The following KCNIP1 variants were observed in gnomAD, a reference collection of about 807,000 sequenced individuals.
The protein encoded by KCNIP1 is potassium voltage-gated channel interacting protein 1.
In KCNIP1, 18 loss-of-function variants were observed where a neutral mutation model predicts 33.0. That is an observed-to-expected ratio of 0.55 (90% confidence interval 0.38 to 0.81). The LOEUF (loss-of-function observed/expected upper bound fraction) is 0.81, where lower values mean the gene tolerates loss of function less well. Among genes scored for constraint, KCNIP1 ranks in the 30% least tolerant of loss-of-function variants. The pLI is 0.00. For missense variants in KCNIP1, 238 were observed against 271.6 expected, an observed-to-expected ratio of 0.88 and a Z score of 0.87; for synonymous variants, 93 against 98.3, an observed-to-expected ratio of 0.95 and a Z score of 0.32.
intron 1 of KCNIP1, among the ~76,000 whole-genome samples, chr5:170,433,653 A>C (rs559014595): frequency 2.0e-5 from 3 of 152,210 alleles, no homozygotes; most frequent in Non-Finnish European, 4.4e-5. Context: ...CCTTGTCATC[A>C]CCACTACATC....
chr5:170,429,567 A>G (rs1755695261), intron 1 of KCNIP1, among the ~76,000 whole-genome samples: 1 of 151,986 alleles, frequency 6.6e-6, no homozygotes, highest in African/African-American at 2.4e-5. Flanking sequence ...CGTCCCCACA[A>G]TGACGTATAT....
intron 5 of KCNIP1, among the ~76,000 whole-genome samples, chr5:170,731,642 G>A (rs188170327): frequency 2.0e-5 from 3 of 150,740 alleles, no homozygotes; most frequent in Admixed American, 6.6e-5. Flanking sequence ...CTGCAGTGAC[G>A]GGGATTGTGC....
intron 1 of KCNIP1, among the ~76,000 whole-genome samples, chr5:170,495,092 T>A (rs1381777100): frequency 6.6e-6 from 1 of 152,198 alleles, no homozygotes; most frequent in Non-Finnish European, 1.5e-5. Flanking sequence ...CCCATTCCTC[T>A]CAGTGGCAGA....
At chr5:170,408,992 G>A (rs1417011121) in intron 1 of KCNIP1, among the ~76,000 whole-genome samples, 1 of 152,220 alleles carries the variant, frequency 6.6e-6, no homozygotes, top group Non-Finnish European at 1.5e-5. Flanking sequence ...GGGCAAGCAG[G>A]TGGGGTTTGC....
At chr5:170,364,723 G>A (rs778753159) in intron 1 of KCNIP1, among the ~76,000 whole-genome samples, 1 of 152,054 alleles carries the variant, frequency 6.6e-6, no homozygotes, top group African/African-American at 2.4e-5. Context: ...AGCCCTTACT[G>A]CTCCTGCAAT....
At chr5:170,589,723 A>ATGTGATGTGG (rs1758137838) in intron 1 of KCNIP1, among the ~76,000 whole-genome samples, 1 of 132,420 alleles carries the variant, frequency 7.6e-6, no homozygotes, top group Non-Finnish European at 1.6e-5. Context: ...GTGTGGTGTG[A>ATGTGATGTGG]TGTGGTGTGG....
At chr5:170,697,397 T>C (rs537142400) in intron 1 of KCNIP1, among the ~76,000 whole-genome samples, 4 of 152,330 alleles carry the variant, frequency 2.6e-5, no homozygotes, top group African/African-American at 9.6e-5. Flanking sequence ...CAAAGTGCCT[T>C]GCACATATTA....
Position 170,377,428 on chromosome 5 carries a change from G to A in KCNIP1, c.88+23464G>A, listed in dbSNP as rs143425850. 1.3e-5 allele frequency: 2 copies of A among 152,322 alleles called. 1 individual carries two copies. Among genetic ancestry groups the A allele is most frequent in the Non-Finnish European group, 2.9e-5 (2 of 68,062 alleles). The allele number at this position is 152,322 out of a possible 1,614,324, so 9.4% of individuals were successfully genotyped here. A position where few individuals can be genotyped will look rare whatever the true frequency, so the allele number is the denominator to read the frequency against. On this transcript the variant is annotated intron_variant, in intron 1 of 7. Transcript: ENST00000377360. ...ACTTCCTGGAGTGGGAATGGTAAAG[G>A]TGATGGCTTCTTCCCATTTTGCCCT...
At chr5:170,620,921 C>T (rs1759575946) in intron 1 of KCNIP1, among the ~76,000 whole-genome samples, 1 of 152,186 alleles carries the variant, frequency 6.6e-6, no homozygotes, top group African/African-American at 2.4e-5. Flanking sequence ...AGCCTGTATG[C>T]TCTGCTTCCA....
In KCNIP1 at chr5:170,464,389, G is replaced by GCTGGAAT. The variant is rs549234836; in HGVS notation, c.88+110426_88+110432dup. Among the ~76,000 whole-genome samples, 12 of 152,288 alleles carry GCTGGAAT rather than the reference G, an allele frequency of 7.9e-5. No individual in the cohort carries two copies. The East Asian group carries it at 2.3e-3, about 29-fold the overall frequency. On this transcript the variant is annotated intron_variant, in intron 1 of 7. Transcript: ENST00000377360. ...TTTTTGCAGAAATGGAAAAGCTATT[G>GCTGGAAT]CTGGAATTCATATGGATTGCAAGTG...
rs149091036 is a variant in KCNIP1, at chr5:170,662,788, G to A, written c.62-55970G>A. ...CTCTGTCTATCCTCCTTTCCCTCTGGCCCAGAGAATCTTCCTCCACTCCCT... is the reference window on the plus strand; with the variant it reads ...CTCTGTCTATCCTCCTTTCCCTCTGACCCAGAGAATCTTCCTCCACTCCCT... On this transcript the variant is annotated intron_variant, in intron 1 of 7. Coordinates refer to ENST00000328939, the MANE Select transcript of KCNIP1 (RefSeq NM_014592.4). Among the ~76,000 whole-genome samples, 437 of 152,206 alleles carry A rather than the reference G, an allele frequency of 2.9e-3. 2 individuals carry two copies. Among genetic ancestry groups the A allele is most frequent in the African/African-American group, 0.01 (416 of 41,520 alleles).
At position 170,504,940 on chromosome 5, in the gene KCNIP1, G is replaced by T. The variant is rs1200814636; in HGVS notation, c.61+307G>T. Among the ~76,000 whole-genome samples, 2 of 152,212 alleles carry T rather than the reference G, an allele frequency of 1.3e-5. No homozygotes were observed. Among genetic ancestry groups the T allele is most frequent in the South Asian group, 2.1e-4 (1 of 4,824 alleles). On this transcript the variant is annotated intron_variant, in intron 1 of 7. Transcript: ENST00000328939. The surrounding 1 kb of genome is among the most constrained non-coding windows in gnomAD (Gnocchi z 6.0). ...GCATGTTCACAGGTGGGGGTGACCGGATTCTCTGGTGGAAGTGTGGTGAAG... is the reference window on the plus strand; with the variant it reads ...GCATGTTCACAGGTGGGGGTGACCGTATTCTCTGGTGGAAGTGTGGTGAAG...
intron 1 of KCNIP1, chr5:170,385,251 C>T (rs1764416762): frequency 1.3e-6 from 2 of 1,585,990 alleles, no homozygotes; most frequent in South Asian, 2.2e-5. Flanking sequence ...GGCCAGGGTT[C>T]CTTACAGATG....
chr5:170,416,140 C>G (rs1233429300), intron 1 of KCNIP1, among the ~76,000 whole-genome samples: 1 of 152,168 alleles, frequency 6.6e-6, no homozygotes, highest in Non-Finnish European at 1.5e-5. Flanking sequence ...TCACTCTCCT[C>G]TCTCCTTGTC....
At chr5:170,442,721 T>C (rs1756022538) in intron 1 of KCNIP1, among the ~76,000 whole-genome samples, 1 of 152,214 alleles carries the variant, frequency 6.6e-6, no homozygotes, top group Admixed American at 6.5e-5. Context: ...ATCTTTTTGC[T>C]GCTGTGAGAG....
chr5:170,578,485 A>G (rs991388187), intron 1 of KCNIP1, among the ~76,000 whole-genome samples: 2 of 152,180 alleles, frequency 1.3e-5, no homozygotes, highest in Non-Finnish European at 2.9e-5. Flanking sequence ...CTTCACTGCC[A>G]TCAGAAAGAC....
chr5:170,405,990 T>A (rs1755030290), intron 1 of KCNIP1, among the ~76,000 whole-genome samples: 1 of 152,188 alleles, frequency 6.6e-6, no homozygotes, highest in Non-Finnish European at 1.5e-5. Flanking sequence ...TGCCCGTTTC[T>A]CCGGGCTTGA....
chr5:170,420,008 C>G (rs1240099977), intron 1 of KCNIP1, among the ~76,000 whole-genome samples: 1 of 152,210 alleles, frequency 6.6e-6, no homozygotes, highest in Non-Finnish European at 1.5e-5. Flanking sequence ...CCTTCCCCGC[C>G]CACTGTTTCT....
At chr5:170,734,649 T>G (rs919986982) in intron 7 of KCNIP1, among the ~76,000 whole-genome samples, 1 of 152,178 alleles carries the variant, frequency 6.6e-6, no homozygotes, top group Non-Finnish European at 1.5e-5. Context: ...ACCCCCACAT[T>G]ATTTTAGAAA....
Sources: allele counts gnomAD v4.1 joint callset (sites outside exome capture counted in the v4.1 genomes callset), GRCh38; gene constraint gnomAD v4.1.1; non-coding constraint Gnocchi (gnomAD v3.1); transcripts MANE v1.5; gene names NCBI Gene and HGNC (gene_info 2026-07-23, HGNC 2026-07-21).